Variants in KPNA4 observed in about 807,000 individuals in gnomAD.
The protein encoded by KPNA4 is importin subunit alpha-3.
Under a neutral mutation model 71.3 loss-of-function variants are expected in KPNA4, and 13 were observed. That is an observed-to-expected ratio of 0.18 (90% CI 0.12 to 0.29). The LOEUF is 0.29. KPNA4 is among the 10% of genes least tolerant of loss of function. The probability of loss-of-function intolerance (pLI) is 1.00; values close to 1 mark genes in which losing one functional copy is unlikely to be tolerated. For missense variants in KPNA4, 334 were observed against 603.2 expected, an observed-to-expected ratio of 0.55 and a Z score of 4.67; for synonymous variants, 189 against 195.2, an observed-to-expected ratio of 0.97 and a Z score of 0.26.
intron 11 of KPNA4, among the ~76,000 whole-genome samples, chr3:160,516,337 T>C (rs748584554): frequency 4.6e-5 from 7 of 151,576 alleles, no homozygotes; most frequent in Admixed American, 6.6e-5. Context: ...GGCACTGATG[T>C]AGGAACAGAG....
chr3:160,512,826 TA>T (rs149912965), intron 13 of KPNA4, among the ~76,000 whole-genome samples: 12 of 150,632 alleles, frequency 8.0e-5, no homozygotes, highest in South Asian at 6.2e-4. Flanking sequence ...CGAGACCGTC[TA>T]AAAAAAAACA....
chr3:160,504,760 T>C (rs1720950093), intron 16 of KPNA4, among the ~76,000 whole-genome samples, 198 bp downstream of exon 16: 1 of 152,204 alleles, frequency 6.6e-6, no homozygotes, highest in South Asian at 2.1e-4. Context: ...TTTCTTGCCA[T>C]TAGAGCTAAT....
chr3:160,509,672 T>A, intron 14 of KPNA4, 128 bp downstream of exon 14: 1 of 697,192 alleles, frequency 1.4e-6, no homozygotes, highest in East Asian at 2.7e-5. Flanking sequence ...CCTCGGGTGA[T>A]CCTCCAGCCT....
At chr3:160,562,652 A>G (rs570899424) in intron 1 of KPNA4, among the ~76,000 whole-genome samples, 1 of 152,368 alleles carries the variant, frequency 6.6e-6, no homozygotes, top group South Asian at 2.1e-4. Flanking sequence ...AGTAAGTCAC[A>G]GTGTGGACAA....
Position 160,509,859 on chromosome 3 carries a change from T to C in KPNA4, c.1150A>G (p.Thr384Ala). 6.2e-7 allele frequency: 1 copy of C among 1,612,178 alleles called. No individual in the cohort carries two copies. Residue 384 changes from threonine to alanine, a missense_variant, in exon 14 of 17, where the codon ACT becomes GCT. Physicochemically the swap from Thr to Ala is moderately conservative, Grantham distance 58. Coordinates refer to ENST00000334256, the MANE Select transcript of KPNA4 (RefSeq NM_002268.5). ...IHLLDKGDFG[T>A]QKEAAWAISN... ...ATGGCCCAAGCAGCTTCTTTTTGAG[T>C]GCCAAAATCCCCCTGTAAAAAGGCA...
chr3:160,553,745 G>C (rs1051026031), intron 1 of KPNA4, among the ~76,000 whole-genome samples: 9 of 152,180 alleles, frequency 5.9e-5, no homozygotes, highest in African/African-American at 2.2e-4. Context: ...CGAAAGAGAT[G>C]CAATCCTAGG....
At chr3:160,515,423 T>TA in intron 12 of KPNA4, 29 bp downstream of exon 12, 1 of 1,542,292 alleles carries the variant, frequency 6.5e-7, no homozygotes, top group Non-Finnish European at 8.9e-7. Flanking sequence ...TTAAGTGCTA[T>TA]CTATTAAGTA....
intron 12 of KPNA4, among the ~76,000 whole-genome samples, chr3:160,514,637 T>A (rs1721165489): frequency 6.6e-6 from 1 of 152,196 alleles, no homozygotes; most frequent in Non-Finnish European, 1.5e-5. Context: ...ATATCAATTA[T>A]CCACAACAAT....
At chr3:160,542,555 T>G (rs1465841451) in intron 1 of KPNA4, among the ~76,000 whole-genome samples, 1 of 152,164 alleles carries the variant, frequency 6.6e-6, no homozygotes, top group Non-Finnish European at 1.5e-5. Context: ...AAACCCATAT[T>G]ACAATCCTTC....
At chr3:160,504,770 T>C (rs565934177) in intron 16 of KPNA4, among the ~76,000 whole-genome samples, 188 bp downstream of exon 16, 2 of 152,200 alleles carry the variant, frequency 1.3e-5, no homozygotes, top group East Asian at 3.8e-4. Flanking sequence ...TTAGAGCTAA[T>C]ATGCCCTGAA....
chr3:160,524,129 T>C (rs757201000), intron 10 of KPNA4, among the ~76,000 whole-genome samples: 6 of 152,206 alleles, frequency 3.9e-5, no homozygotes, highest in Non-Finnish European at 5.9e-5. Context: ...TATTTGTTAA[T>C]CATGTTACTA....
rs556752087 is a variant in KPNA4 at position 160,535,896 on chromosome 3, T to C, written c.116A>G (p.Asn39Ser). 2 of 878,494 alleles carry C rather than the reference T, an allele frequency of 2.3e-6. No homozygotes were observed. The highest frequency in any genetic ancestry group is 9.6e-5 in the South Asian group (2 of 20,778). The allele number at this position is 878,494 out of a possible 1,614,324, so 54.4% of individuals were successfully genotyped here. A position where few individuals can be genotyped will look rare whatever the true frequency, so the allele number is the denominator to read the frequency against. ...RNEVVVELRK[N>S]KRDEHLLKRR... ...CTTTAAGAGATGTTCATCTCTTTTA[T>C]TCTTAAAAAAAAAAAAAAAAAAAAA... Residue 39 changes from asparagine (N) to serine (S), a missense_variant and splice_region_variant, in exon 3 of 17, where the codon AAT becomes AGT. By Grantham distance (46) the Asn-to-Ser change is conservative (BLOSUM62 1). Coordinates refer to ENST00000334256, the MANE Select transcript of KPNA4 (RefSeq NM_002268.5).
At chr3:160,561,882 A>G (rs1722251763) in intron 1 of KPNA4, among the ~76,000 whole-genome samples, 1 of 152,132 alleles carries the variant, frequency 6.6e-6, no homozygotes, top group Non-Finnish European at 1.5e-5. Context: ...TAAAACGCTC[A>G]GAGAATTGCC....
chr3:160,508,343 T>C (rs1721027274), intron 14 of KPNA4, 74 bp from the exon 15 acceptor site: 1 of 1,133,828 alleles, frequency 8.8e-7, no homozygotes. Context: ...ACTGGAATAA[T>C]TCTGATTTTG....
At chr3:160,555,087 T>A (rs1035458636) in intron 1 of KPNA4, among the ~76,000 whole-genome samples, 1 of 152,118 alleles carries the variant, frequency 6.6e-6, no homozygotes, top group African/African-American at 2.4e-5. Context: ...TCTGATGTTA[T>A]CTCCAGGTAG....
intron 1 of KPNA4, among the ~76,000 whole-genome samples, chr3:160,545,632 C>T (rs1323980187): frequency 5.3e-5 from 8 of 152,098 alleles, no homozygotes; most frequent in African/African-American, 1.9e-4. Flanking sequence ...GGCATTTACT[C>T]GAAGTGCGCT....
chr3:160,510,853 T>C lies in KPNA4; in HGVS notation c.1138-982A>G, dbSNP rs544819313. ...CCTAGGCTGGAGTGCAGTGGCGCAA[T>C]CTCGGCTCACTGCAACCTCCACCTC... On this transcript the variant is annotated intron_variant, in intron 13 of 16. Coordinates refer to ENST00000334256, the MANE Select transcript of KPNA4 (RefSeq NM_002268.5). Among the ~76,000 whole-genome samples the C allele has an allele frequency of 2.0e-5, 3 of 151,990 alleles. No individual in the cohort carries two copies. In the South Asian group the frequency reaches 6.2e-4, roughly 32 times the overall value.
intron 1 of KPNA4, among the ~76,000 whole-genome samples, 158 bp downstream of exon 1, chr3:160,565,056 C>T (rs540199949): frequency 6.6e-6 from 1 of 151,750 alleles, no homozygotes; most frequent in South Asian, 2.1e-4. Flanking sequence ...ATAAACTTCC[C>T]GGCGCGCTAG....
intron 7 of KPNA4, among the ~76,000 whole-genome samples, chr3:160,529,940 C>A (rs1490997227): frequency 2.7e-5 from 4 of 150,050 alleles, no homozygotes; most frequent in African/African-American, 9.8e-5. Context: ...CCGAGACCAT[C>A]CTGGCTAACA....
Sources: allele counts gnomAD v4.1 joint callset (sites outside exome capture counted in the v4.1 genomes callset), GRCh38; gene constraint gnomAD v4.1.1; transcripts MANE v1.5; gene names NCBI Gene and HGNC (gene_info 2026-07-23, HGNC 2026-07-21).